The following JAM3 variants were observed in gnomAD, a reference collection of about 807,000 sequenced individuals.
JAM3 encodes the protein junctional adhesion molecule C.
A neutral mutation model predicts 39.4 loss-of-function variants in JAM3; 31 were observed. The observed-to-expected ratio is 0.79, with a 90% CI of 0.59 to 1.06. JAM3 has a LOEUF of 1.06. Among genes scored for constraint, JAM3 ranks in the 50% least tolerant of loss-of-function variants. JAM3 has a pLI of 0.00. For missense variants in JAM3, 455 were observed against 391.4 expected, an observed-to-expected ratio of 1.16 and a Z score of -1.37; for synonymous variants, 182 against 148.7, an observed-to-expected ratio of 1.22 and a Z score of -1.63.
chr11:134,137,870 C>T (rs76942115), intron 1 of JAM3, among the ~76,000 whole-genome samples: 2 of 84,982 alleles, frequency 2.4e-5, no homozygotes, highest in Non-Finnish European at 4.6e-5. Context: ...TCCCTTAGAG[C>T]CAGTGGTGGC....
At chr11:134,083,966 C>T (rs1403046133) in intron 1 of JAM3, among the ~76,000 whole-genome samples, 3 of 152,126 alleles carry the variant, frequency 2.0e-5, no homozygotes, top group African/African-American at 7.2e-5. Flanking sequence ...AGAAATATTA[C>T]CTTTTTTTCT....
At chr11:134,107,248 C>A (rs190492226) in intron 1 of JAM3, among the ~76,000 whole-genome samples, 2 of 152,064 alleles carry the variant, frequency 1.3e-5, no homozygotes, top group African/African-American at 4.8e-5. Context: ...AACCAAACAC[C>A]GCATGTTGTC....
intron 1 of JAM3, chr11:134,126,266 G>T (rs1404596966): frequency 6.6e-6 from 1 of 152,178 alleles, no homozygotes; most frequent in Non-Finnish European, 1.5e-5. Context: ...TCTCTACCCT[G>T]CATTTGCTTT....
chr11:134,106,228 C>G (rs1157980457), intron 1 of JAM3, among the ~76,000 whole-genome samples: 3 of 151,938 alleles, frequency 2.0e-5, no homozygotes, highest in South Asian at 2.1e-4. Context: ...ACAAACCTGA[C>G]AAAAACAAGA....
In JAM3 at chr11:134,149,790, A is replaced by G. The variant is rs1943160220; in HGVS notation, c.*609A>G. The G allele has an allele frequency of 2.4e-6, 1 of 415,980 alleles. No homozygotes were observed. The highest frequency in any genetic ancestry group is 1.7e-5 in the South Asian group (1 of 57,326). 25.8% of individuals were successfully genotyped at this position (415,980 alleles called of 1,614,324 possible). Reference sequence around the variant, plus strand: ...ATCAGGAAGGTAAATTGGTTGCTGGAAGAGGGATCTTGCCTGAGGAACCCT... The same window carrying G: ...ATCAGGAAGGTAAATTGGTTGCTGGGAGAGGGATCTTGCCTGAGGAACCCT... On this transcript the variant is annotated 3_prime_UTR_variant, in exon 9 of 9. Transcript: ENST00000299106.
At chr11:134,090,121 C>T (rs1489623466) in intron 1 of JAM3, among the ~76,000 whole-genome samples, 6 of 152,182 alleles carry the variant, frequency 3.9e-5, no homozygotes, top group Admixed American at 1.3e-4. Flanking sequence ...TGAGAAGTGT[C>T]TGTTCATGTC....
intron 1 of JAM3, among the ~76,000 whole-genome samples, chr11:134,088,357 C>T (rs1941779391): frequency 6.6e-6 from 1 of 152,030 alleles, no homozygotes; most frequent in Non-Finnish European, 1.5e-5. Flanking sequence ...GCATTGCTTT[C>T]CTTATCCTTA....
At chr11:134,105,268 A>G (rs544919027) in intron 1 of JAM3, among the ~76,000 whole-genome samples, 1 of 152,342 alleles carries the variant, frequency 6.6e-6, no homozygotes, top group African/African-American at 2.4e-5. Context: ...GATTATCTCA[A>G]TAGATGCAGA....
At chr11:134,125,167 G>A (rs531826532) in intron 1 of JAM3, among the ~76,000 whole-genome samples, 79 of 152,314 alleles carry the variant, frequency 5.2e-4, no homozygotes, top group African/African-American at 1.6e-3. Flanking sequence ...CAGCCCGGCC[G>A]ATCGTGCCGC....
At position 134,148,753 on chromosome 11, in the gene JAM3, TCTC is replaced by T. The variant is rs765181788; in HGVS notation, c.843-7_843-5del. ...CAACCCTGTTGCTAAACTGCTCTCT[TCTC>T]CTCATAGTTACAAGAACCCAGGGAA... On this transcript the variant is annotated splice_polypyrimidine_tract_variant and splice_region_variant and intron_variant, in intron 7 of 8. Coordinates refer to ENST00000299106, the MANE Select transcript of JAM3 (RefSeq NM_032801.5). The T allele has an allele frequency of 1.4e-4, 219 of 1,614,086 alleles. No individual in the cohort carries two copies. The highest frequency in any genetic ancestry group is 1.6e-4 in the Middle Eastern group (1 of 6,062).
intron 1 of JAM3, among the ~76,000 whole-genome samples, chr11:134,139,190 T>C (rs1489057858): frequency 6.6e-6 from 1 of 152,238 alleles, no homozygotes; most frequent in African/African-American, 2.4e-5. Context: ...AATCAGATGC[T>C]AGTTTTGAAA....
Position 134,121,010 on chromosome 11 carries a change from A to AGAC in JAM3, c.77-18841_77-18840insGAC, listed in dbSNP as rs1242914249. Among the ~76,000 whole-genome samples, 237 of 152,288 alleles carry AGAC rather than the reference A, an allele frequency of 1.6e-3. 1 individual carries two copies. The highest frequency in any genetic ancestry group is 2.7e-3 in the Admixed American group (42 of 15,288). On this transcript the variant is annotated intron_variant, in intron 1 of 8. Coordinates refer to ENST00000299106, the MANE Select transcript of JAM3 (RefSeq NM_032801.5). ...AATAGAGCTGTGTTTCTGTGCACCA[A>AGAC]CCGCAGATGCTGGGTCTGGCCCCCA...
intron 1 of JAM3, among the ~76,000 whole-genome samples, chr11:134,131,929 CAG>C (rs1942776960): frequency 6.6e-6 from 1 of 152,146 alleles, no homozygotes; most frequent in South Asian, 2.1e-4. Context: ...GAAAAGTGAA[CAG>C]AGTCTAAGCG....
At chr11:134,110,237 CA>C (rs1407722858) in intron 1 of JAM3, among the ~76,000 whole-genome samples, 19 of 152,112 alleles carry the variant, frequency 1.2e-4, no homozygotes, top group African/African-American at 4.6e-4. Flanking sequence ...ATGGTAAGAC[CA>C]ATTTGGAAAA....
chr11:134,147,183 G>T (rs1943089030), intron 6 of JAM3, among the ~76,000 whole-genome samples: 1 of 151,996 alleles, frequency 6.6e-6, no homozygotes, highest in Non-Finnish European at 1.5e-5. Context: ...TGCCAGGCGT[G>T]GTGGCTCACA....
intron 1 of JAM3, among the ~76,000 whole-genome samples, chr11:134,083,950 C>T (rs1941706907): frequency 6.6e-6 from 1 of 152,160 alleles, no homozygotes. Context: ...TGGAATTGGA[C>T]TCTAAAGAAA....
chr11:134,124,268 G>A, intron 1 of JAM3: 1 of 1,008,644 alleles, frequency 9.9e-7, no homozygotes, highest in Non-Finnish European at 1.6e-6. Context: ...TGGTAGGGTT[G>A]TGAGTTACAA....
chr11:134,105,085 A>G (rs982841334), intron 1 of JAM3, among the ~76,000 whole-genome samples: 1 of 152,214 alleles, frequency 6.6e-6, no homozygotes, highest in Non-Finnish European at 1.5e-5. Flanking sequence ...CCTGATCAAC[A>G]TCGATGCAAA....
chr11:134,147,010 C>G (rs646513), intron 6 of JAM3, among the ~76,000 whole-genome samples: 60,243 of 152,042 alleles, frequency 0.4, 12,798 homozygotes, highest in East Asian at 0.76. Context: ...CTAGAAATGT[C>G]TGTGTGTGAG....
Sources: gnomAD v4.1 joint callset for allele counts (sites outside exome capture counted in the v4.1 genomes callset) on GRCh38, gnomAD v4.1.1 for gene constraint, MANE v1.5 for transcripts, NCBI Gene and HGNC (gene_info 2026-07-23, HGNC 2026-07-21) for gene names.